Variants in SSH1 observed in about 807,000 individuals in gnomAD.
SSH1 encodes the protein protein phosphatase Slingshot homolog 1.
In SSH1, 43 loss-of-function variants were observed where a neutral mutation model predicts 79.7. The ratio of observed to expected loss-of-function variants is 0.54; its 90% CI spans 0.42 to 0.70. SSH1 has a LOEUF of 0.70. Ranked by LOEUF, SSH1 falls within the 30% of genes least tolerant of loss-of-function variation. The pLI is 0.00. For missense variants in SSH1, 1,206 were observed against 1,358.8 expected (o/e 0.89, Z 1.77); for synonymous variants, 599 against 538.3 (o/e 1.11, Z -1.56).
At chr12:108,839,563 G>A (rs534009767) in intron 2 of SSH1, among the ~76,000 whole-genome samples, 10 of 152,320 alleles carry the variant, frequency 6.6e-5, no homozygotes, top group Admixed American at 5.9e-4. Flanking sequence ...GCCAGGCCTG[G>A]ACCAGGAATG....
At chr12:108,793,732 A>G (rs573293920) in intron 13 of SSH1, among the ~76,000 whole-genome samples, 13 of 152,302 alleles carry the variant, frequency 8.5e-5, no homozygotes, top group African/African-American at 2.9e-4. Context: ...CATAAAAAAA[A>G]AGTTTACGGT....
At chr12:108,796,761 A>G (rs909355764) in intron 13 of SSH1, among the ~76,000 whole-genome samples, 2 of 147,136 alleles carry the variant, frequency 1.4e-5, no homozygotes, top group African/African-American at 5.0e-5. Flanking sequence ...TTTTTTTTTT[A>G]GACGAAGTTT....
At position 108,817,486 on chromosome 12, in the gene SSH1, A is replaced by T. The variant is rs192258048; in HGVS notation, c.280-327T>A. ...GCTACTCAGGGGACTGAGGCACGAG[A>T]ATCTCTTGAACCCGGGAAGCGGAGG... On this transcript the variant is annotated intron_variant, in intron 4 of 14. Coordinates refer to ENST00000326495, the MANE Select transcript of SSH1 (RefSeq NM_018984.4). The T allele has an allele frequency of 5.2e-3, 1,835 of 356,002 alleles. 18 individuals are homozygous for T. Among genetic ancestry groups the T allele is most frequent in the South Asian group, 0.011 (504 of 45,176 alleles). The allele number at this position is 356,002 out of a possible 1,614,324, so 22.1% of individuals were successfully genotyped here. A position where few individuals can be genotyped will look rare whatever the true frequency, so the allele number is the denominator to read the frequency against.
intron 2 of SSH1, among the ~76,000 whole-genome samples, chr12:108,840,925 G>A (rs1405090013): frequency 2.0e-5 from 3 of 152,148 alleles, no homozygotes; most frequent in Admixed American, 1.3e-4. Context: ...CCCCATAAGC[G>A]CATGACCTTG....
rs2036539705 is a variant in SSH1 at position 108,792,308 on chromosome 12, C to T, written c.1871G>A (p.Arg624Lys). 1.9e-6 allele frequency: 3 copies of T among 1,614,064 alleles called. No individual in the cohort carries two copies. The highest frequency in any genetic ancestry group is 2.5e-6 in the Non-Finnish European group (3 of 1,180,042). ...NSENLNNNSKRSCPNGMEDDA... is the reference protein window; with the variant it reads ...NSENLNNNSKKSCPNGMEDDA... Reference sequence around the variant, plus strand: ...TACCTCCATGCCGTTGGGACAGCTCCTCTTGCTGTTGTTGTTTAGGTTCTC... The same window carrying T: ...TACCTCCATGCCGTTGGGACAGCTCTTCTTGCTGTTGTTGTTTAGGTTCTC... The change falls in exon 14 of 15, where the codon AGG becomes AAG. Residue 624 changes from arginine to lysine, a missense_variant. Physicochemically the swap from Arg to Lys is conservative, Grantham distance 26. Coordinates refer to ENST00000326495, the MANE Select transcript of SSH1 (RefSeq NM_018984.4).
intron 7 of SSH1, among the ~76,000 whole-genome samples, chr12:108,808,780 T>C (rs2037414956): frequency 6.7e-6 from 1 of 149,462 alleles, no homozygotes; most frequent in South Asian, 2.2e-4. Flanking sequence ...TGGGAAACAA[T>C]ATTAAGAATC....
At position 108,792,309 on chromosome 12, in the gene SSH1, T is replaced by C. The variant is rs1337389289; in HGVS notation, c.1870A>G (p.Arg624Gly). The change falls in exon 14 of 15, where the codon AGG becomes GGG. Residue 624 changes from arginine to glycine, a missense_variant. Arg to Gly is a moderately radical substitution (Grantham distance 125). Coordinates refer to ENST00000326495, the MANE Select transcript of SSH1 (RefSeq NM_018984.4). ...ACCTCCATGCCGTTGGGACAGCTCC[T>C]CTTGCTGTTGTTGTTTAGGTTCTCC... ...NSENLNNNSK[R>G]SCPNGMEDDA... 1 of 1,614,052 alleles carries C rather than the reference T, an allele frequency of 6.2e-7. No homozygotes were observed. Among genetic ancestry groups the C allele is most frequent in the Non-Finnish European group, 8.5e-7 (1 of 1,180,044 alleles).
At chr12:108,845,766 C>T (rs2038886568) in intron 2 of SSH1, among the ~76,000 whole-genome samples, 1 of 152,200 alleles carries the variant, frequency 6.6e-6, no homozygotes, top group Admixed American at 6.5e-5. Context: ...ATGACTGATA[C>T]AGTAACCTAT....
chr12:108,795,636 G>T (rs903093847), intron 13 of SSH1, among the ~76,000 whole-genome samples: 1 of 151,848 alleles, frequency 6.6e-6, no homozygotes. Flanking sequence ...TGGAAGGATC[G>T]ATTGAGCCCA....
intron 3 of SSH1, among the ~76,000 whole-genome samples, chr12:108,820,821 G>T (rs755050447): frequency 6.6e-6 from 1 of 152,196 alleles, no homozygotes; most frequent in Non-Finnish European, 1.5e-5. Flanking sequence ...TCTAGTCTGC[G>T]TCTGTCCCAA....
chr12:108,824,443 A>G (rs1339552129), intron 2 of SSH1, among the ~76,000 whole-genome samples: 1 of 151,332 alleles, frequency 6.6e-6, no homozygotes, highest in African/African-American at 2.4e-5. Context: ...CGACAGAGCA[A>G]GACTGTGTCT....
chr12:108,829,582 G>A (rs1347838376), intron 2 of SSH1, among the ~76,000 whole-genome samples: 1 of 152,156 alleles, frequency 6.6e-6, no homozygotes, highest in Non-Finnish European at 1.5e-5. Context: ...ATGTGCTGGT[G>A]ATCTGGGTGT....
chr12:108,836,833 G>GT (rs2038642776), intron 2 of SSH1: 3 of 501,024 alleles, frequency 6.0e-6, no homozygotes, highest in Admixed American at 4.0e-5. Flanking sequence ...CATCCCTTGG[G>GT]TGATGTTCCA....
intron 2 of SSH1, among the ~76,000 whole-genome samples, chr12:108,836,484 T>C (rs2038633991): frequency 6.6e-6 from 1 of 152,290 alleles, no homozygotes; most frequent in African/African-American, 2.4e-5. Flanking sequence ...GATGTGGACA[T>C]GTCAAAGGGA....
intron 3 of SSH1, 112 bp downstream of exon 3, chr12:108,823,146 G>T: frequency 9.7e-7 from 1 of 1,027,352 alleles, no homozygotes. Flanking sequence ...CTGCAAACCT[G>T]CGTCCACTAT....
rs530164187 is a variant in SSH1 at position 108,835,943 on chromosome 12, A to G, written c.111-12582T>C. Among the ~76,000 whole-genome samples, 36 of 141,384 alleles carry G rather than the reference A, an allele frequency of 2.5e-4. 1 individual carries two copies. Among genetic ancestry groups the G allele is most frequent in the Non-Finnish European group, 3.7e-4 (23 of 62,546 alleles). 92.8% of individuals were successfully genotyped at this position (141,384 alleles called of 152,430 possible). A position where few individuals can be genotyped will look rare whatever the true frequency, so the allele number is the denominator to read the frequency against. ...TATATTAATATAATCAATTATAACT[A>G]TATTAATATAATCGATTATAACTAT... On this transcript the variant is annotated intron_variant, in intron 2 of 14. Transcript: ENST00000326495.
At chr12:108,818,133 G>C (rs926638626) in intron 4 of SSH1, 116 bp downstream of exon 4, 8 of 835,286 alleles carry the variant, frequency 9.6e-6, no homozygotes, top group Middle Eastern at 3.2e-4. Flanking sequence ...AGGAGTTTGA[G>C]GCTGTAGTGA....
At position 108,785,077 on chromosome 12, in the gene SSH1, G is replaced by A. The variant is rs1024388521; in HGVS notation, c.*2911C>T. 13 of 152,194 alleles carry A rather than the reference G, an allele frequency of 8.5e-5. No individual in the cohort carries two copies. Among genetic ancestry groups the A allele is most frequent in the Admixed American group, 3.9e-4 (6 of 15,280 alleles). The allele number at this position is 152,194 out of a possible 1,614,324, so 9.4% of individuals were successfully genotyped here. ...AGCATGAATTCGTCTTTGCCCAGGT[G>A]TCCCGACACCTGACAGAATGCTCAT... On this transcript the variant is annotated 3_prime_UTR_variant, in exon 15 of 15. Coordinates refer to ENST00000326495, the MANE Select transcript of SSH1 (RefSeq NM_018984.4).
intron 2 of SSH1, among the ~76,000 whole-genome samples, chr12:108,843,595 T>C (rs1270018579): frequency 2.6e-5 from 4 of 152,134 alleles, no homozygotes; most frequent in Non-Finnish European, 4.4e-5. Flanking sequence ...AATGCAGTGG[T>C]GTGATCTCAG....
Sources: allele counts gnomAD v4.1 joint callset (sites outside exome capture counted in the v4.1 genomes callset), GRCh38; gene constraint gnomAD v4.1.1; transcripts MANE v1.5; gene names NCBI Gene and HGNC (gene_info 2026-07-23, HGNC 2026-07-21).